Variants in RIC8B observed in about 807,000 individuals in gnomAD.
RIC8B encodes the protein chaperone Ric-8B.
RIC8B carries 16 observed loss-of-function variants against 57.5 expected under a neutral mutation model. The ratio of observed to expected loss-of-function variants is 0.28; its 90% CI spans 0.19 to 0.42. The LOEUF (loss-of-function observed/expected upper bound fraction) is 0.42. Among genes scored for constraint, RIC8B ranks in the 10% least tolerant of loss-of-function variants. The probability of loss-of-function intolerance (pLI) is 1.00; values close to 1 mark genes in which losing one functional copy is unlikely to be tolerated. For synonymous variants in RIC8B, 216 were observed against 250.8 expected (o/e 0.86, Z 1.31); for missense variants, 481 against 677.0 (o/e 0.71, Z 3.21).
chr12:106,849,481 CA>C (rs895501308), intron 6 of RIC8B, among the ~76,000 whole-genome samples: 4 of 146,342 alleles, frequency 2.7e-5, no homozygotes, highest in South Asian at 2.2e-4. Flanking sequence ...AAAAAAACTA[CA>C]AAAAAAAATA....
rs531081480 is a variant in RIC8B, at chr12:106,787,712, T to C, written c.132+3668T>C. 3.5e-4 allele frequency among the ~76,000 whole-genome samples: 53 copies of C among 152,206 alleles called. 2 individuals carry two copies. In the South Asian group the frequency reaches 6.2e-3, roughly 18 times the overall value. ...AGCCCATCAGATCCTGTGAGACTTA[T>C]TCACTACCACGAGAACAGTATGGGG... On this transcript the variant is annotated intron_variant, in intron 2 of 9. Coordinates refer to ENST00000392837, the MANE Select transcript of RIC8B (RefSeq NM_001330145.2).
At chr12:106,807,795 T>C (rs1200658578) in intron 2 of RIC8B, among the ~76,000 whole-genome samples, 1 of 152,018 alleles carries the variant, frequency 6.6e-6, no homozygotes, top group African/African-American at 2.4e-5. Flanking sequence ...TTCAAAAATA[T>C]TTAGGGGAGG....
At chr12:106,851,013 A>G (rs1949446697) in intron 6 of RIC8B, among the ~76,000 whole-genome samples, 1 of 152,174 alleles carries the variant, frequency 6.6e-6, no homozygotes, top group Non-Finnish European at 1.5e-5. Context: ...ATTTTGGATA[A>G]GGTATACTCA....
chr12:106,837,276 C>T (rs1323707159), intron 4 of RIC8B, among the ~76,000 whole-genome samples: 2 of 151,956 alleles, frequency 1.3e-5, no homozygotes, highest in African/African-American at 4.8e-5. Flanking sequence ...GCAGGAGAAT[C>T]GCTTGAACCC....
At chr12:106,861,385 A>G (rs1311661231) in intron 8 of RIC8B, among the ~76,000 whole-genome samples, 3 of 152,094 alleles carry the variant, frequency 2.0e-5, no homozygotes, top group Non-Finnish European at 4.4e-5. Flanking sequence ...ATGGGTTGTC[A>G]GAAGGTGAAA....
rs1949882590 is a variant in RIC8B at position 106,860,430 on chromosome 12, T to C, written c.1451+18T>C. The stretch of plus-strand genomic sequence containing the variant: ...AAACCAAAGTATAGTATCAAATTTC[T>C]TTTCACCTAACTATGGCTGTGCCTT... On this transcript the variant is annotated intron_variant, in intron 8 of 9. Coordinates refer to ENST00000392837, the MANE Select transcript of RIC8B (RefSeq NM_001330145.2). 3 of 1,517,144 alleles carry C rather than the reference T, an allele frequency of 2.0e-6. No individual in the cohort carries two copies. The highest frequency in any genetic ancestry group is 2.8e-5 in the African/African-American group (2 of 70,882). The allele number at this position is 1,517,144 out of a possible 1,614,324, so 94.0% of individuals were successfully genotyped here. A position where few individuals can be genotyped will look rare whatever the true frequency, so the allele number is the denominator to read the frequency against.
In RIC8B at chr12:106,886,545, A is replaced by G. The variant is rs904955573; in HGVS notation, c.*530A>G. The G allele has an allele frequency of 6.5e-6, 1 of 152,864 alleles. No individual in the cohort carries two copies. The highest frequency in any genetic ancestry group is 1.5e-5 in the Non-Finnish European group (1 of 68,212). 9.5% of individuals were successfully genotyped at this position (152,864 alleles called of 1,614,324 possible). A position where few individuals can be genotyped will look rare whatever the true frequency, so the allele number is the denominator to read the frequency against. ...CTTCATATCAATTTTGTATAAATAT[A>G]TAGAAACACACACACAGCCTCAGAC... On this transcript the variant is annotated 3_prime_UTR_variant, in exon 10 of 10. Transcript: ENST00000392837.
At chr12:106,774,982 C>T (rs2043383928) in intron 1 of RIC8B, 153 bp downstream of exon 1, 1 of 618,044 alleles carries the variant, frequency 1.6e-6, no homozygotes, top group Non-Finnish European at 2.9e-6. Flanking sequence ...TTTGTGCCCC[C>T]AGCCTTTTCC....
In RIC8B at chr12:106,774,803, C is replaced by T. The variant is rs1286735118; in HGVS notation, c.58C>T (p.Arg20Trp). Residue 20 changes from arginine to tryptophan, a missense_variant, in exon 1 of 10, where the codon CGG (arginine) becomes TGG (tryptophan). Around this residue, in one of 3 missense-constraint regions of RIC8B, gnomAD observed 421 missense variants for 560.9 expected, o/e 0.75. Coordinates refer to ENST00000392837, the MANE Select transcript of RIC8B (RefSeq NM_001330145.2). ...VRAGEAGAIE[R>W]VLRDYSDKHR... ...GGCCGGCGAAGCAGGGGCTATCGAG[C>T]GGGTCCTGAGGGATTACAGCGACAA... The T allele has an allele frequency of 1.9e-6, 3 of 1,554,010 alleles. No individual in the cohort carries two copies. The highest frequency in any genetic ancestry group is 2.6e-6 in the Non-Finnish European group (3 of 1,148,294).
rs551537774 is a variant in RIC8B at position 106,864,965 on chromosome 12, C to T, written c.1451+4553C>T. 6.6e-5 allele frequency among the ~76,000 whole-genome samples: 10 copies of T among 152,158 alleles called. No homozygotes were observed. In the South Asian group the frequency reaches 8.3e-4, roughly 13 times the overall value. On this transcript the variant is annotated intron_variant, in intron 8 of 9. Coordinates refer to ENST00000392837, the MANE Select transcript of RIC8B (RefSeq NM_001330145.2). ...CACTTAGAATAATGTCTTTAAGATT[C>T]GTTCATGTTGTGGCACATGTCAAAG... is the stretch of plus-strand genomic sequence containing the variant.
intron 1 of RIC8B, among the ~76,000 whole-genome samples, chr12:106,778,955 C>T (rs2043616974): frequency 1.3e-5 from 2 of 152,290 alleles, no homozygotes; most frequent in South Asian, 4.2e-4. Flanking sequence ...TCTTGTTGCC[C>T]CAGGCTGGAG....
At chr12:106,855,249 G>T (rs1012137355) in intron 7 of RIC8B, among the ~76,000 whole-genome samples, 3 of 152,190 alleles carry the variant, frequency 2.0e-5, no homozygotes, top group Admixed American at 2.0e-4. Flanking sequence ...GGAATAGGTT[G>T]TCTCTTTAGC....
intron 3 of RIC8B, among the ~76,000 whole-genome samples, chr12:106,817,772 C>G (rs1250928597): frequency 1.4e-5 from 2 of 145,024 alleles, no homozygotes; most frequent in African/African-American, 5.2e-5. Context: ...TTGCAGTAAG[C>G]GGAGATCGCG....
At chr12:106,825,176 C>T (rs2046039141) in intron 3 of RIC8B, among the ~76,000 whole-genome samples, 1 of 152,170 alleles carries the variant, frequency 6.6e-6, no homozygotes, top group African/African-American at 2.4e-5. Context: ...GCCTTCTTGC[C>T]TCTAACTCCC....
chr12:106,864,291 C>T (rs1950052924), intron 8 of RIC8B, among the ~76,000 whole-genome samples: 2 of 152,050 alleles, frequency 1.3e-5, no homozygotes, highest in South Asian at 4.2e-4. Flanking sequence ...ACATGCATCT[C>T]CATAGTAAGG....
intron 3 of RIC8B, chr12:106,823,454 A>G (rs1327331843): frequency 6.6e-6 from 3 of 456,364 alleles, no homozygotes; most frequent in Non-Finnish European, 1.3e-5. Flanking sequence ...AAAGGTAAAA[A>G]GTAGAATTTT....
chr12:106,818,361 T>C (rs2136299499), intron 3 of RIC8B, among the ~76,000 whole-genome samples: 1 of 152,196 alleles, frequency 6.6e-6, no homozygotes, highest in South Asian at 2.1e-4. Context: ...AGACGGGGTT[T>C]TACCATGTTG....
In RIC8B at chr12:106,807,271, C is replaced by A. The variant is rs17038788; in HGVS notation, c.133-7425C>A. 6.6e-3 allele frequency among the ~76,000 whole-genome samples: 1,002 copies of A among 152,316 alleles called. 12 individuals are homozygous for A. The highest frequency in any genetic ancestry group is 0.023 in the African/African-American group (971 of 41,568). On this transcript the variant is annotated intron_variant, in intron 2 of 9. Coordinates refer to ENST00000392837, the MANE Select transcript of RIC8B (RefSeq NM_001330145.2). Reference sequence around the variant, plus strand: ...TTAGGTTAAAGCTAAGTTGTTTTAACAAGGGGACCTCAAGATAGAAGTGGT... The same window carrying A: ...TTAGGTTAAAGCTAAGTTGTTTTAAAAAGGGGACCTCAAGATAGAAGTGGT...
At position 106,842,712 on chromosome 12, in the gene RIC8B, A is replaced by C. The variant is rs1279067770; in HGVS notation, c.960A>C (p.Thr320=). The change falls in exon 5 of 10, where the codon ACA becomes ACC. Residue 320 remains threonine (T), a synonymous_variant. Coordinates refer to ENST00000392837, the MANE Select transcript of RIC8B (RefSeq NM_001330145.2). ...TTLDELPSNK[T]AEKETVLKNN... ...TAGATGAACTGCCCAGTAATAAAAC[A>C]GCTGAGAAAGAAACAGTTTTGAAAA... 3.7e-6 allele frequency: 6 copies of C among 1,613,856 alleles called. No homozygotes were observed. The highest frequency in any genetic ancestry group is 5.1e-6 in the Non-Finnish European group (6 of 1,179,810).
Sources: allele counts gnomAD v4.1 joint callset (sites outside exome capture counted in the v4.1 genomes callset), GRCh38; gene constraint gnomAD v4.1.1; regional missense constraint gnomAD v4.1.1; transcripts MANE v1.5; gene names NCBI Gene and HGNC (gene_info 2026-07-23, HGNC 2026-07-21).